COG4: variants seen among roughly 807,000 people sequenced by gnomAD.
COG4 encodes the protein component of oligomeric golgi complex 4.
In COG4, 65 loss-of-function variants were observed where a neutral mutation model predicts 95.1. The ratio of observed to expected loss-of-function variants is 0.68; its 90% CI spans 0.56 to 0.84. The LOEUF (loss-of-function observed/expected upper bound fraction) is 0.84, where lower values mean the gene tolerates loss of function less well. Ranked by LOEUF, COG4 falls within the 40% of genes least tolerant of loss-of-function variation. The pLI is 0.00. For synonymous variants in COG4, 421 were observed against 374.8 expected (o/e 1.12, Z -1.42); for missense variants, 1,045 against 989.1 (o/e 1.06, Z -0.76).
At chr16:70,499,531 A>T (rs1013099781) in intron 9 of COG4, among the ~76,000 whole-genome samples, 1 of 152,250 alleles carries the variant, frequency 6.6e-6, no homozygotes, top group African/African-American at 2.4e-5. Flanking sequence ...ATATTTGCCC[A>T]GCAGGATTTT....
intron 8 of COG4, 48 bp downstream of exon 8, chr16:70,508,358 T>C (rs764981663): frequency 1.4e-6 from 2 of 1,438,202 alleles, no homozygotes; most frequent in South Asian, 1.1e-5. Context: ...TATTACATGA[T>C]TACCAATTCA....
intron 12 of COG4, among the ~76,000 whole-genome samples, chr16:70,494,008 C>T (rs959543374): frequency 1.3e-5 from 2 of 152,172 alleles, no homozygotes; most frequent in African/African-American, 2.4e-5. Flanking sequence ...AAGTCCCTCT[C>T]ATCTTGCCCA....
intron 3 of COG4, among the ~76,000 whole-genome samples, chr16:70,517,137 A>C (rs2049838474): frequency 6.6e-6 from 1 of 151,942 alleles, no homozygotes; most frequent in Non-Finnish European, 1.5e-5. Context: ...GGGCTCAAGC[A>C]ATCCTCCTGT....
rs2048969705 is a variant in COG4, at chr16:70,480,661, G to A, written c.*349C>T. The A allele has an allele frequency of 6.1e-6, 2 of 329,544 alleles. No individual in the cohort carries two copies. Among genetic ancestry groups the A allele is most frequent in the South Asian group, 6.3e-5 (2 of 31,682 alleles). The allele number at this position is 329,544 out of a possible 1,614,324, so 20.4% of individuals were successfully genotyped here. On this transcript the variant is annotated 3_prime_UTR_variant, in exon 19 of 19. Transcript: ENST00000323786. Reference sequence around the variant, plus strand: ...CTGCTAGGTCCCCAGATGTACCCAAGTTGTCTAGGACTGGCAGGGGTAGCT... The same window carrying A: ...CTGCTAGGTCCCCAGATGTACCCAAATTGTCTAGGACTGGCAGGGGTAGCT...
At chr16:70,506,507 G>C (rs142150529) in intron 8 of COG4, among the ~76,000 whole-genome samples, 2 of 141,912 alleles carry the variant, frequency 1.4e-5, no homozygotes, top group Non-Finnish European at 3.0e-5. Flanking sequence ...CAGGAGAATC[G>C]CTAAACCTAG....
chr16:70,497,746 C>T (rs148549459), intron 10 of COG4, among the ~76,000 whole-genome samples, 191 bp downstream of exon 10: 55 of 152,204 alleles, frequency 3.6e-4, no homozygotes, highest in African/African-American at 1.3e-3. Flanking sequence ...GGAAGGAAGT[C>T]CTAGCTGGGT....
chr16:70,521,612 TTGTC>T (rs1417594210), intron 1 of COG4, among the ~76,000 whole-genome samples: 3 of 152,172 alleles, frequency 2.0e-5, no homozygotes, highest in Admixed American at 6.5e-5. Flanking sequence ...TTATATCATT[TTGTC>T]TGTAAGATTT....
At chr16:70,482,936 CCATCCCTTCCTTCTCTCCT>C in intron 14 of COG4, 115 bp from the exon 15 acceptor site, 1 of 770,900 alleles carries the variant, frequency 1.3e-6, no homozygotes, top group Admixed American at 2.0e-5. Flanking sequence ...TCTCCTCTCC[CCATCCCTTCCTTCTCTCCT>C]CTCCCCATTT....
At chr16:70,484,855 C>T (rs2049094771) in intron 13 of COG4, among the ~76,000 whole-genome samples, 1 of 152,116 alleles carries the variant, frequency 6.6e-6, no homozygotes, top group Admixed American at 6.6e-5. Flanking sequence ...GCTATGACTG[C>T]CACTGCACTC....
chr16:70,508,811 G>A (rs1567389271), intron 7 of COG4: 2 of 552,306 alleles, frequency 3.6e-6, no homozygotes, highest in Admixed American at 4.4e-5. Flanking sequence ...TCAAAAGAAG[G>A]AAAAAACAAA....
chr16:70,480,807 A>C lies in COG4; in HGVS notation c.*203T>G. On this transcript the variant is annotated 3_prime_UTR_variant, in exon 19 of 19. Coordinates refer to ENST00000323786, the MANE Select transcript of COG4 (RefSeq NM_015386.3). ...GGAGCCCGCTTCTCTCGGTGGGGAG[A>C]TGCTGCCCCCAGAGCATCACCTGGC... 6.0e-5 allele frequency: 33 copies of C among 553,118 alleles called. No individual in the cohort carries two copies. Among genetic ancestry groups the C allele is most frequent in the South Asian group, 1.2e-4 (5 of 42,476 alleles). The allele number at this position is 553,118 out of a possible 1,614,324, so 34.3% of individuals were successfully genotyped here.
intron 9 of COG4, among the ~76,000 whole-genome samples, chr16:70,500,610 C>A (rs1276708392): frequency 6.6e-6 from 1 of 152,050 alleles, no homozygotes; most frequent in Non-Finnish European, 1.5e-5. Flanking sequence ...ATCCACCCGC[C>A]TCAGTCTCCC....
intron 1 of COG4, among the ~76,000 whole-genome samples, chr16:70,520,638 A>T (rs565961678): frequency 6.6e-6 from 1 of 152,166 alleles, no homozygotes; most frequent in Admixed American, 6.5e-5. Context: ...GTCTCAAAAA[A>T]AAAAAAAAGA....
At chr16:70,481,596 C>T in intron 17 of COG4, 109 bp from the exon 18 acceptor site, 5 of 1,543,196 alleles carry the variant, frequency 3.2e-6, no homozygotes, top group Non-Finnish European at 4.5e-6. Context: ...AGGTGGTGCC[C>T]TGTGGTTTGT....
chr16:70,508,608 G>C (rs2049629905), intron 7 of COG4, 144 bp from the exon 8 acceptor site: 4 of 748,144 alleles, frequency 5.3e-6, no homozygotes, highest in Admixed American at 3.9e-5. Context: ...GCCAGCAGTG[G>C]GCTTTCAGGA....
intron 13 of COG4, among the ~76,000 whole-genome samples, chr16:70,488,892 C>A (rs1371216952): frequency 6.6e-6 from 1 of 152,144 alleles, no homozygotes. Context: ...CTAATAAGTA[C>A]CACTGCATGC....
chr16:70,508,635 T>G (rs2049630814), intron 7 of COG4, 171 bp from the exon 8 acceptor site: 1 of 701,530 alleles, frequency 1.4e-6, no homozygotes, highest in South Asian at 1.5e-5. Flanking sequence ...GCCAAAGATT[T>G]GTTTTTGGGT....
At chr16:70,502,164 C>T (rs2049465548) in intron 8 of COG4, among the ~76,000 whole-genome samples, 1 of 151,542 alleles carries the variant, frequency 6.6e-6, no homozygotes, top group Admixed American at 6.6e-5. Context: ...TGCCTGTAGT[C>T]CCAGCTACTC....
chr16:70,496,218 A>C (rs759099941), intron 12 of COG4, 48 bp downstream of exon 12: 1 of 1,604,934 alleles, frequency 6.2e-7, no homozygotes, highest in Non-Finnish European at 8.5e-7. Flanking sequence ...GTGATAGCGT[A>C]ACCTCTCGAG....
Sources: allele counts gnomAD v4.1 joint callset (sites outside exome capture counted in the v4.1 genomes callset), GRCh38; gene constraint gnomAD v4.1.1; transcripts MANE v1.5; gene names NCBI Gene and HGNC (gene_info 2026-07-23, HGNC 2026-07-21).